The following MISFA variants were observed in gnomAD, a reference collection of about 807,000 sequenced individuals.
The protein encoded by MISFA is mitochondrial sheath formation-associated protein.
the MISFA span, chr11:18,602,921 A>G: frequency 1.0e-5 from 4 of 385,232 alleles, no homozygotes; most frequent in Non-Finnish European, 1.8e-5. Context: ...CTGATATCAT[A>G]ATTGGTGTCT....
At chr11:18,607,401 A>G in the MISFA span, 1 of 152,602 alleles carries the variant, frequency 6.6e-6, no homozygotes, top group Non-Finnish European at 1.5e-5. Flanking sequence ...TTCCTTTCAC[A>G]TCATTTGTTA....
the MISFA span, chr11:18,609,834 A>G: frequency 6.2e-7 from 1 of 1,609,476 alleles, no homozygotes; most frequent in Non-Finnish European, 8.5e-7. Context: ...GAGCAGCTCT[A>G]GAATTTCACA....
At chr11:18,601,345 T>C in the MISFA span, 1 of 397,986 alleles carries the variant, frequency 2.5e-6, no homozygotes, top group Non-Finnish European at 4.4e-6. Context: ...GCCAAAGTTG[T>C]CTATTAATAA....
chr11:18,606,847 G>A, the MISFA span: 4 of 363,680 alleles, frequency 1.1e-5, no homozygotes, highest in South Asian at 6.0e-5. Flanking sequence ...CATTAAAAAT[G>A]AAAATTTGAG....
chr11:18,602,796 G>GA, the MISFA span: 1 of 234,790 alleles, frequency 4.3e-6, no homozygotes, highest in African/African-American at 2.2e-5. Flanking sequence ...CCAAATCACA[G>GA]ACACACCAGA....
the MISFA span, chr11:18,609,235 T>G: frequency 6.6e-6 from 1 of 152,606 alleles, no homozygotes; most frequent in Non-Finnish European, 1.5e-5. Context: ...CATTAATTCC[T>G]AGCCACCTAA....
At chr11:18,600,512 CTTTTT>C in the MISFA span, among the ~76,000 whole-genome samples, 1 of 54,030 alleles carries the variant, frequency 1.9e-5, no homozygotes, top group Non-Finnish European at 3.2e-5. Flanking sequence ...TGGGGACATC[CTTTTT>C]TTTTTTTTTT....
chr11:18,607,021 C>T, the MISFA span: 14,276 of 249,512 alleles, frequency 0.057, 1,423 homozygotes, highest in African/African-American at 0.25. Flanking sequence ...CCACCGCACC[C>T]GGCTAATTTT....
chr11:18,603,917 C>A, the MISFA span: 2 of 52,016 alleles, frequency 3.8e-5, no homozygotes, highest in Non-Finnish European at 3.1e-5. Flanking sequence ...AGTTACCGCA[C>A]TTTTTTTTTT....
the MISFA span, among the ~76,000 whole-genome samples, chr11:18,600,358 C>T: frequency 6.6e-6 from 1 of 151,530 alleles, no homozygotes; most frequent in Admixed American, 6.6e-5. Flanking sequence ...CATGCACCAC[C>T]ACGCCTGGCG....
the MISFA span, among the ~76,000 whole-genome samples, chr11:18,605,300 G>T: frequency 6.6e-6 from 1 of 151,700 alleles, no homozygotes; most frequent in Non-Finnish European, 1.5e-5. Flanking sequence ...TCTTTTTCAT[G>T]ACTACTGAAA....
chr11:18,599,858 C>T, the MISFA span: 1 of 398,276 alleles, frequency 2.5e-6, no homozygotes, highest in Non-Finnish European at 4.4e-6. Flanking sequence ...TGAGCGCACT[C>T]CTTTGCCAAG....
the MISFA span, chr11:18,601,349 T>G: frequency 2.5e-6 from 1 of 398,014 alleles, no homozygotes; most frequent in Admixed American, 4.4e-5. Context: ...AAGTTGTCTA[T>G]TAATAACCAT....
At chr11:18,606,316 C>T in the MISFA span, 498 of 174,770 alleles carry the variant, frequency 2.8e-3, 3 homozygotes, top group African/African-American at 0.012. Context: ...ATGAGTATAC[C>T]GAGGTTTCTA....
chr11:18,601,147 T>C, the MISFA span: 1 of 398,600 alleles, frequency 2.5e-6, no homozygotes, highest in Admixed American at 4.4e-5. Flanking sequence ...AAAACACAAC[T>C]GAGGAGGCGG....
the MISFA span, chr11:18,600,109 TG>T: frequency 2.5e-6 from 1 of 397,924 alleles, no homozygotes; most frequent in East Asian, 3.6e-5. Flanking sequence ...CACCACTAAC[TG>T]GAAGTCAGAA....
the MISFA span, chr11:18,609,017 T>G: frequency 6.6e-6 from 1 of 152,536 alleles, no homozygotes; most frequent in African/African-American, 2.4e-5. Flanking sequence ...ACATGTTACT[T>G]CCTTATTTTA....
the MISFA span, chr11:18,599,967 G>A: frequency 2.5e-6 from 1 of 398,920 alleles, no homozygotes; most frequent in South Asian, 1.3e-4. Flanking sequence ...TTGGACTTGT[G>A]TGTTACATGG....
chr11:18,603,763 C>A, the MISFA span: 1 of 399,004 alleles, frequency 2.5e-6, no homozygotes, highest in South Asian at 1.3e-4. Flanking sequence ...TTTCTTTTTT[C>A]CCCCACAGAC....
Sources: gnomAD v4.1 joint callset for allele counts (sites outside exome capture counted in the v4.1 genomes callset) on GRCh38, gnomAD v4.1.1 for gene constraint, MANE v1.5 for transcripts, NCBI Gene and HGNC (gene_info 2026-07-23, HGNC 2026-07-21) for gene names.